The following CDKAL1 variants were observed in gnomAD, a reference collection of about 807,000 sequenced individuals.
The protein encoded by CDKAL1 is threonylcarbamoyladenosine tRNA methylthiotransferase.
In CDKAL1, 32 loss-of-function variants were observed where a neutral mutation model predicts 68.2. That is an observed-to-expected ratio of 0.47 (90% CI 0.35 to 0.63). The LOEUF is 0.63. Among genes scored for constraint, CDKAL1 ranks in the 30% least tolerant of loss-of-function variants. The pLI, the probability that CDKAL1 is intolerant of heterozygous loss-of-function variation, is 0.00. For synonymous variants in CDKAL1, 234 were observed against 244.3 expected (o/e 0.96, Z 0.39); for missense variants, 606 against 696.7 (o/e 0.87, Z 1.47).
chr6:20,806,928 C>T (rs926729945), intron 8 of CDKAL1, among the ~76,000 whole-genome samples: 1 of 152,176 alleles, frequency 6.6e-6, no homozygotes, highest in Non-Finnish European at 1.5e-5. Context: ...CAGAACAAGT[C>T]TTAGATTTAC....
At chr6:21,163,196 G>A (rs1182411925) in intron 13 of CDKAL1, among the ~76,000 whole-genome samples, 3 of 152,136 alleles carry the variant, frequency 2.0e-5, no homozygotes, top group Non-Finnish European at 4.4e-5. Flanking sequence ...CTTGCCTTGT[G>A]CAAAAGTCAC....
chr6:20,644,117 G>A (rs1440805548), intron 4 of CDKAL1, among the ~76,000 whole-genome samples: 1 of 150,086 alleles, frequency 6.7e-6, no homozygotes, highest in African/African-American at 2.5e-5. Context: ...ACAGGCACAA[G>A]CCACCGTGTC....
At chr6:21,207,756 G>A (rs989798730) in intron 15 of CDKAL1, among the ~76,000 whole-genome samples, 3 of 152,030 alleles carry the variant, frequency 2.0e-5, no homozygotes, top group African/African-American at 7.2e-5. Flanking sequence ...AATAAATATT[G>A]ACTACTATTT....
intron 4 of CDKAL1, among the ~76,000 whole-genome samples, chr6:20,578,028 T>C (rs533916718): frequency 6.6e-5 from 10 of 152,272 alleles, no homozygotes; most frequent in African/African-American, 2.4e-4. Context: ...GTATTTGTCT[T>C]CCCTGGACTA....
rs188831682 is a variant in CDKAL1 at position 20,538,513 on chromosome 6, T to G, written c.-6+3119T>G. On this transcript the variant is annotated intron_variant, in intron 2 of 15. Coordinates refer to ENST00000274695, the MANE Select transcript of CDKAL1 (RefSeq NM_017774.3). Reference sequence around the variant, plus strand: ...GCAACTTCTGCTTCTCTAACTCTAATGATATGGGATGTCTATTGCAGTGGA... The same window carrying G: ...GCAACTTCTGCTTCTCTAACTCTAAGGATATGGGATGTCTATTGCAGTGGA... 1.5e-3 allele frequency among the ~76,000 whole-genome samples: 236 copies of G among 152,362 alleles called. 2 individuals are homozygous for G. In the South Asian group the frequency reaches 0.02, roughly 13 times the overall value.
At chr6:21,163,424 G>T (rs1777010385) in intron 13 of CDKAL1, among the ~76,000 whole-genome samples, 1 of 152,078 alleles carries the variant, frequency 6.6e-6, no homozygotes, top group South Asian at 2.1e-4. Flanking sequence ...AACCCACCGT[G>T]GTTTGGGAAT....
chr6:21,104,845 A>C (rs1015216790), intron 12 of CDKAL1, among the ~76,000 whole-genome samples: 10 of 152,252 alleles, frequency 6.6e-5, no homozygotes, highest in African/African-American at 2.2e-4. Context: ...TATAAGTGTT[A>C]GCTATCAAAG....
intron 10 of CDKAL1, among the ~76,000 whole-genome samples, chr6:20,962,423 T>G (rs1262075835): frequency 1.3e-5 from 2 of 152,216 alleles, no homozygotes; most frequent in Non-Finnish European, 2.9e-5. Flanking sequence ...GACCTTATAT[T>G]CTAACCTAAT....
At chr6:21,166,537 G>C (rs1433818540) in intron 13 of CDKAL1, among the ~76,000 whole-genome samples, 2 of 152,118 alleles carry the variant, frequency 1.3e-5, no homozygotes, top group Non-Finnish European at 2.9e-5. Context: ...CTTCGTTAAA[G>C]GCTAATTGCT....
chr6:21,003,371 T>TATAC lies in CDKAL1; in HGVS notation c.1055+3000_1055+3001insTACA. 5.2e-3 allele frequency among the ~76,000 whole-genome samples: 254 copies of TATAC among 49,286 alleles called. 13 individuals carry two copies. Among genetic ancestry groups the TATAC allele is most frequent in the African/African-American group, 0.025 (231 of 9,154 alleles). 32.3% of individuals were successfully genotyped at this position (49,286 alleles called of 152,430 possible). A position where few individuals can be genotyped will look rare whatever the true frequency, so the allele number is the denominator to read the frequency against. ...ATATATATATATATATATATATATA[T>TATAC]ACACACACACACACACACATATATA... On this transcript the variant is annotated intron_variant, in intron 11 of 15. Coordinates refer to ENST00000274695, the MANE Select transcript of CDKAL1 (RefSeq NM_017774.3).
intron 9 of CDKAL1, among the ~76,000 whole-genome samples, chr6:20,891,883 G>T (rs1761425016): frequency 6.6e-6 from 1 of 152,070 alleles, no homozygotes; most frequent in African/African-American, 2.4e-5. Flanking sequence ...TTTTCTCATG[G>T]TCATCTGTTT....
intron 9 of CDKAL1, among the ~76,000 whole-genome samples, chr6:20,919,996 G>T (rs1476942632): frequency 6.6e-6 from 1 of 152,158 alleles, no homozygotes; most frequent in African/African-American, 2.4e-5. Flanking sequence ...TGAATTCTTG[G>T]TGCAGCTGAA....
At chr6:20,605,599 T>C (rs1766299174) in intron 4 of CDKAL1, among the ~76,000 whole-genome samples, 1 of 152,204 alleles carries the variant, frequency 6.6e-6, no homozygotes. Flanking sequence ...ATAAATATTT[T>C]TGAGCTTTGT....
intron 7 of CDKAL1, among the ~76,000 whole-genome samples, chr6:20,779,529 A>T (rs1775321206): frequency 6.6e-6 from 1 of 152,212 alleles, no homozygotes; most frequent in Admixed American, 6.5e-5. Flanking sequence ...CAGTTGTTTC[A>T]TTCAGTTTTA....
intron 5 of CDKAL1, among the ~76,000 whole-genome samples, chr6:20,690,586 G>T (rs1393427196): frequency 6.6e-6 from 1 of 152,056 alleles, no homozygotes; most frequent in Admixed American, 6.5e-5. Context: ...TGGAGATTGG[G>T]ATGACAGCTC....
intron 15 of CDKAL1, among the ~76,000 whole-genome samples, chr6:21,230,275 C>T (rs997423704): frequency 6.6e-6 from 1 of 152,230 alleles, no homozygotes; most frequent in Non-Finnish European, 1.5e-5. Flanking sequence ...AATTCTCCTG[C>T]CTCAGCCTCC....
At chr6:21,028,711 A>G (rs1053235172) in intron 11 of CDKAL1, among the ~76,000 whole-genome samples, 2 of 152,212 alleles carry the variant, frequency 1.3e-5, no homozygotes, top group Non-Finnish European at 2.9e-5. Flanking sequence ...GGGGGACACA[A>G]TCCATTCATA....
At chr6:20,582,529 C>G (rs189030656) in intron 4 of CDKAL1, among the ~76,000 whole-genome samples, 1 of 152,226 alleles carries the variant, frequency 6.6e-6, no homozygotes, top group East Asian at 1.9e-4. Flanking sequence ...TTTTTCCTCT[C>G]TAGAACCTCT....
At position 20,741,171 on chromosome 6, in the gene CDKAL1, T is replaced by G. The variant is rs78487121; in HGVS notation, c.468+1556T>G. ...CCAGATGCAGTGTAAGGGAGGACAC[T>G]TAGTGCTATTAATATGAGTTTATTT... On this transcript the variant is annotated intron_variant, in intron 6 of 15. Coordinates refer to ENST00000274695, the MANE Select transcript of CDKAL1 (RefSeq NM_017774.3). Among the ~76,000 whole-genome samples, 55 of 152,166 alleles carry G rather than the reference T, an allele frequency of 3.6e-4. 1 individual carries two copies. The East Asian group carries it at 8.7e-3, about 24-fold the overall frequency.
Sources: gnomAD v4.1 joint callset for allele counts (sites outside exome capture counted in the v4.1 genomes callset) on GRCh38, gnomAD v4.1.1 for gene constraint, MANE v1.5 for transcripts, NCBI Gene and HGNC (gene_info 2026-07-23, HGNC 2026-07-21) for gene names.